The following SCN1A variants were observed in gnomAD, a reference collection of about 807,000 sequenced individuals.
SCN1A encodes the protein sodium channel protein type 1 subunit alpha.
SCN1A carries 13 observed loss-of-function variants against 193.7 expected under a neutral mutation model. The ratio of observed to expected loss-of-function variants is 0.07; its 90% CI spans 0.04 to 0.11. The LOEUF is 0.11. SCN1A is among the 10% of genes least tolerant of loss of function. The probability of loss-of-function intolerance (pLI) is 1.00; values close to 1 mark genes in which losing one functional copy is unlikely to be tolerated. For missense variants in SCN1A, 1,432 were observed against 2,451.1 expected, an observed-to-expected ratio of 0.58 and a Z score of 8.78; for synonymous variants, 781 against 843.6, an observed-to-expected ratio of 0.93 and a Z score of 1.29.
At chr2:166,077,346 A>C (rs1685085691) in intron 3 of SCN1A, among the ~76,000 whole-genome samples, 1 of 151,956 alleles carries the variant, frequency 6.6e-6, no homozygotes, top group African/African-American at 2.4e-5. Context: ...ACATGCAAAA[A>C]ATTATTAAAG....
intron 2 of SCN1A, among the ~76,000 whole-genome samples, chr2:166,120,743 A>G (rs1237159764): frequency 2.6e-5 from 4 of 151,364 alleles, no homozygotes; most frequent in Admixed American, 2.6e-4. Context: ...CCTCCTGAGT[A>G]GCTGGGACTG....
intron 24 of SCN1A, chr2:165,999,998 A>G (rs540678687): frequency 2.1e-5 from 12 of 563,940 alleles, no homozygotes; most frequent in South Asian, 2.1e-4. Flanking sequence ...CCTCCCCTTG[A>G]TAACCAACTC....
chr2:165,999,692 T>TA (rs749660505), intron 25 of SCN1A, 31 bp downstream of exon 25: 2 of 1,473,716 alleles, frequency 1.4e-6, no homozygotes, highest in Admixed American at 3.4e-5. Context: ...ATCAATATTG[T>TA]AAAAAGACTT....
rs540300918 is a variant in SCN1A, at chr2:166,143,980, G to A, written c.-50+5067C>T. On this transcript the variant is annotated intron_variant, in intron 1 of 26. Coordinates refer to the SCN1A transcript ENST00000635750. ...TTGGGAACAATTTTTCACATTCAAA[G>A]TCTGAGAACATCTCCGTATCAAACC... is the stretch of plus-strand genomic sequence containing the variant. Among the ~76,000 whole-genome samples, 8 of 152,262 alleles carry A rather than the reference G, an allele frequency of 5.3e-5. No individual in the cohort carries two copies. The East Asian group carries it at 1.5e-3, about 29-fold the overall frequency.
rs1692118241 is a variant in SCN1A, at chr2:166,009,482, T to G, written c.4002+237A>C. 2.4e-5 allele frequency: 7 copies of G among 297,850 alleles called. No homozygotes were observed. In the South Asian group the frequency reaches 3.4e-4, roughly 15 times the overall value. The allele number at this position is 297,850 out of a possible 1,614,324, so 18.5% of individuals were successfully genotyped here. On this transcript the variant is annotated intron_variant, in intron 23 of 28. Transcript: ENST00000674923. ...TTTGTAAGGAAACTCCCAAGATGGA[T>G]TAGGAAATAAAGTCATTTAAATAAG...
rs750748658 is a variant in SCN1A, at chr2:166,073,532, T to C, written c.90A>G (p.Ala30=). 1.2e-5 allele frequency: 19 copies of C among 1,614,068 alleles called. No individual in the cohort carries two copies. The highest frequency in any genetic ancestry group is 1.6e-5 in the Non-Finnish European group (19 of 1,180,030). Reference sequence around the variant, plus strand: ...GTTTGGGATTCTTTGCCTTTTCTTCTGCAATGCGTCTTTCAATAGCCGCAA... The same window carrying C: ...GTTTGGGATTCTTTGCCTTTTCTTCCGCAATGCGTCTTTCAATAGCCGCAA... The part of the protein sequence containing the change: ...ESLAAIERRI[A]EEKAKNPKPD... The change falls in exon 4 of 29, where the codon GCA becomes GCG. Residue 30 remains alanine, a synonymous_variant. Transcript: ENST00000674923.
intron 24 of SCN1A, among the ~76,000 whole-genome samples, chr2:166,002,141 A>C (rs1690961186): frequency 6.6e-6 from 1 of 151,500 alleles, no homozygotes; most frequent in African/African-American, 2.4e-5. Flanking sequence ...GATCAGGGAA[A>C]CAAGCCTTCT....
At chr2:166,113,252 A>G (rs1689489767) in intron 2 of SCN1A, among the ~76,000 whole-genome samples, 1 of 152,174 alleles carries the variant, frequency 6.6e-6, no homozygotes, top group Non-Finnish European at 1.5e-5. Flanking sequence ...CACATATTTG[A>G]TGTCAGAAGT....
At chr2:166,136,243 C>T (rs1353754494) in intron 1 of SCN1A, among the ~76,000 whole-genome samples, 11 of 152,080 alleles carry the variant, frequency 7.2e-5, no homozygotes, top group Admixed American at 7.2e-4. Flanking sequence ...TCTGAGTCTG[C>T]ACCCCTTTAA....
In SCN1A at chr2:166,116,257, GAA is replaced by G. The variant is rs150754076; in HGVS notation, c.-142+10665_-142+10666del. ...AGGGAAGGGAGTGGGTGAACATTTA[GAA>G]AAAGACCAATAGAAACTTCTTACAT... is the stretch of plus-strand genomic sequence containing the variant. On this transcript the variant is annotated intron_variant, in intron 2 of 28. Coordinates refer to ENST00000674923, the MANE Select transcript of SCN1A (RefSeq NM_001165963.4). Among the ~76,000 whole-genome samples, 38 of 152,270 alleles carry G rather than the reference GAA, an allele frequency of 2.5e-4. No homozygotes were observed. The East Asian group carries it at 7.3e-3, about 29-fold the overall frequency.
chr2:166,026,679 CTTTTTT>C (rs35750460), intron 19 of SCN1A, among the ~76,000 whole-genome samples: 1 of 97,712 alleles, frequency 1.0e-5, no homozygotes, highest in Non-Finnish European at 1.9e-5. Context: ...TTCTTTCTTT[CTTTTTT>C]TTTTTTTTTT....
chr2:166,147,048 G>A (rs1159874313), intron 1 of SCN1A, among the ~76,000 whole-genome samples: 1 of 151,184 alleles, frequency 6.6e-6, no homozygotes, highest in African/African-American at 2.4e-5. Context: ...GTCACCTGGA[G>A]GAAAGGCTTA....
At chr2:166,076,801 T>C (rs1685028236) in intron 3 of SCN1A, among the ~76,000 whole-genome samples, 1 of 150,388 alleles carries the variant, frequency 6.6e-6, no homozygotes, top group Non-Finnish European at 1.5e-5. Context: ...GATAGTCTTT[T>C]CAACATGTAT....
chr2:166,054,356 CAT>C (rs373218228), intron 7 of SCN1A, among the ~76,000 whole-genome samples: 88 of 113,370 alleles, frequency 7.8e-4, no homozygotes, highest in African/African-American at 2.4e-3. Context: ...TGTGTGTGTT[CAT>C]ATGTGTGTGT....
rs548360624 is a variant in SCN1A at position 166,039,195 on chromosome 2, C to T, written c.2589+228G>A. 8.8e-4 allele frequency among the ~76,000 whole-genome samples: 128 copies of T among 145,596 alleles called. 1 individual carries two copies. The highest frequency in any genetic ancestry group is 8.0e-3 in the South Asian group (37 of 4,640). The stretch of plus-strand genomic sequence containing the variant: ...TAGAAGCAATACTTAGTGAAAATAG[C>T]AACTGAGTAATACGTTAACTTTTAC... On this transcript the variant is annotated intron_variant, in intron 17 of 28. Transcript: ENST00000674923.
chr2:166,072,628 T>G (rs774403038), intron 4 of SCN1A, among the ~76,000 whole-genome samples: 9 of 152,164 alleles, frequency 5.9e-5, no homozygotes, highest in Non-Finnish European at 1.3e-4. Context: ...GGCATCAAAT[T>G]TGTTTGCATG....
intron 2 of SCN1A, among the ~76,000 whole-genome samples, chr2:166,079,787 G>A (rs549039308): frequency 3.3e-5 from 5 of 150,986 alleles, no homozygotes; most frequent in South Asian, 2.1e-4. Context: ...CAGTTCAAAC[G>A]TATTATATAT....
rs746874403 is a variant in SCN1A at position 165,999,788 on chromosome 2, G to A, written c.4285-12C>T. The stretch of plus-strand genomic sequence containing the variant: ...CCTTTGAATGTGGCCTATTAAGAAG[G>A]ACATGCATGTTTTACTTTGGAGTAA... On this transcript the variant is annotated splice_polypyrimidine_tract_variant and intron_variant, in intron 24 of 28. Transcript: ENST00000674923. 51 of 1,588,704 alleles carry A rather than the reference G, an allele frequency of 3.2e-5. No homozygotes were observed. Among genetic ancestry groups the A allele is most frequent in the South Asian group, 2.2e-4 (20 of 90,544 alleles).
intron 27 of SCN1A, among the ~76,000 whole-genome samples, chr2:165,995,175 T>C (rs1413632698): frequency 1.3e-5 from 2 of 151,912 alleles, no homozygotes; most frequent in Non-Finnish European, 2.9e-5. Flanking sequence ...TTCCAACTTA[T>C]ATTTTTCCTA....
Sources: allele counts gnomAD v4.1 joint callset (sites outside exome capture counted in the v4.1 genomes callset), GRCh38; gene constraint gnomAD v4.1.1; transcripts MANE v1.5; gene names NCBI Gene and HGNC (gene_info 2026-07-23, HGNC 2026-07-21).